Variants in NLGN1 observed in about 807,000 individuals in gnomAD.
NLGN1 encodes the protein neuroligin 1, also known as neuroligin-1.
In NLGN1, 12 loss-of-function variants were observed where a neutral mutation model predicts 65.5. The observed-to-expected ratio is 0.18, with a 90% CI of 0.12 to 0.30. The LOEUF (loss-of-function observed/expected upper bound fraction) is 0.30. Among genes scored for constraint, NLGN1 ranks in the 10% least tolerant of loss-of-function variants. NLGN1 has a pLI of 1.00. For synonymous variants in NLGN1, 350 were observed against 359.5 expected, an observed-to-expected ratio of 0.97 and a Z score of 0.30; for missense variants, 750 against 1,007.1, an observed-to-expected ratio of 0.74 and a Z score of 3.46.
chr3:173,827,298 G>C (rs1215045491), intron 4 of NLGN1, among the ~76,000 whole-genome samples: 1 of 152,072 alleles, frequency 6.6e-6, no homozygotes, highest in Non-Finnish European at 1.5e-5. Context: ...TTGAGGTAAA[G>C]ATTCTAGTGA....
intron 2 of NLGN1, among the ~76,000 whole-genome samples, chr3:173,597,014 A>G (rs1749593894): frequency 6.6e-6 from 1 of 152,154 alleles, no homozygotes; most frequent in South Asian, 2.1e-4. Flanking sequence ...AAAAGTTTCA[A>G]TACCACACTC....
intron 4 of NLGN1, among the ~76,000 whole-genome samples, chr3:174,198,014 G>A (rs1366947285): frequency 6.6e-6 from 1 of 151,734 alleles, no homozygotes; most frequent in Non-Finnish European, 1.5e-5. Context: ...AATTTGAGAT[G>A]GTTCCTGTAC....
chr3:174,184,889 C>G (rs1731109942), intron 4 of NLGN1, among the ~76,000 whole-genome samples: 1 of 152,076 alleles, frequency 6.6e-6, no homozygotes, highest in Admixed American at 6.6e-5. Context: ...TCCAAAGTAG[C>G]AGGCATGGAG....
At chr3:174,216,738 GGT>G (rs1412356029) in intron 4 of NLGN1, among the ~76,000 whole-genome samples, 1 of 152,036 alleles carries the variant, frequency 6.6e-6, no homozygotes, top group African/African-American at 2.4e-5. Flanking sequence ...TGTAATGCTA[GGT>G]CAGCTCAGAA....
At chr3:174,032,446 A>G (rs1349093557) in intron 4 of NLGN1, among the ~76,000 whole-genome samples, 1 of 152,188 alleles carries the variant, frequency 6.6e-6, no homozygotes, top group Non-Finnish European at 1.5e-5. Flanking sequence ...CCATTGGTGT[A>G]CAAGCTTGTT....
At chr3:173,553,848 C>T (rs1160736901) in intron 2 of NLGN1, among the ~76,000 whole-genome samples, 1 of 152,156 alleles carries the variant, frequency 6.6e-6, no homozygotes, top group Non-Finnish European at 1.5e-5. Context: ...GAAAGTTACT[C>T]ATTGAGCCCT....
intron 1 of NLGN1, among the ~76,000 whole-genome samples, chr3:173,406,495 CAAAT>C (rs937531392): frequency 3.9e-4 from 57 of 146,690 alleles, no homozygotes; most frequent in Middle Eastern, 3.6e-3. Flanking sequence ...ATCTATGAAT[CAAAT>C]ATATATATGA....
intron 4 of NLGN1, among the ~76,000 whole-genome samples, chr3:174,123,997 T>TAGGAG (rs1379396507): frequency 6.6e-6 from 1 of 152,086 alleles, no homozygotes. Flanking sequence ...GTAGGGTCTT[T>TAGGAG]AGGAGATAAT....
intron 4 of NLGN1, among the ~76,000 whole-genome samples, chr3:174,261,049 T>G (rs1028242311): frequency 2.6e-5 from 4 of 152,202 alleles, no homozygotes; most frequent in African/African-American, 7.2e-5. Context: ...TCTATATCTC[T>G]GTTTTGGTAC....
intron 4 of NLGN1, among the ~76,000 whole-genome samples, chr3:174,224,679 A>G (rs987117728): frequency 6.6e-6 from 1 of 152,134 alleles, no homozygotes; most frequent in African/African-American, 2.4e-5. Context: ...AGCCTGGGTG[A>G]CAGAGTGAGA....
chr3:174,230,014 T>TC (rs1740403666), intron 4 of NLGN1, among the ~76,000 whole-genome samples: 2 of 152,178 alleles, frequency 1.3e-5, no homozygotes, highest in African/African-American at 4.8e-5. Flanking sequence ...ACTATGCTTT[T>TC]CCCCATTTCA....
chr3:173,900,379 C>T (rs1262972747), intron 4 of NLGN1, among the ~76,000 whole-genome samples: 4 of 152,062 alleles, frequency 2.6e-5, no homozygotes, highest in African/African-American at 4.8e-5. Flanking sequence ...AATATCATTG[C>T]CCTGCTGATA....
intron 4 of NLGN1, among the ~76,000 whole-genome samples, chr3:174,205,896 T>C (rs1735311818): frequency 6.6e-6 from 1 of 152,174 alleles, no homozygotes; most frequent in Admixed American, 6.5e-5. Flanking sequence ...ATCACTGAAA[T>C]AACTACATGT....
At chr3:173,979,016 A>AG (rs1718179772) in intron 4 of NLGN1, among the ~76,000 whole-genome samples, 1 of 151,788 alleles carries the variant, frequency 6.6e-6, no homozygotes, top group Non-Finnish European at 1.5e-5. Context: ...AAAAAAAAAA[A>AG]TTGAATCAAG....
chr3:173,843,958 A>G (rs1725281692), intron 4 of NLGN1, among the ~76,000 whole-genome samples: 1 of 152,228 alleles, frequency 6.6e-6, no homozygotes. Context: ...TTACAAAAGA[A>G]AAAGGTTTAA....
chr3:173,702,071 C>T (rs1003994647), intron 3 of NLGN1, among the ~76,000 whole-genome samples: 43 of 151,616 alleles, frequency 2.8e-4, no homozygotes, highest in African/African-American at 1.0e-3. Context: ...AACCCCGTCT[C>T]TACTAAAAAT....
chr3:173,446,825 C>A (rs1199589365), intron 2 of NLGN1, among the ~76,000 whole-genome samples: 1 of 152,188 alleles, frequency 6.6e-6, no homozygotes, highest in Non-Finnish European at 1.5e-5. Flanking sequence ...CGAGGATGAA[C>A]ATTTTTTCAT....
chr3:173,435,488 C>T (rs1717948696), intron 2 of NLGN1, among the ~76,000 whole-genome samples: 1 of 151,934 alleles, frequency 6.6e-6, no homozygotes, highest in Non-Finnish European at 1.5e-5. Context: ...CTTATGTTCA[C>T]GGAAGCGTTA....
chr3:174,137,763 G>A (rs1197849034), intron 4 of NLGN1, among the ~76,000 whole-genome samples: 3 of 152,084 alleles, frequency 2.0e-5, no homozygotes, highest in Non-Finnish European at 4.4e-5. Flanking sequence ...TGTTTTACAT[G>A]TGGGAAAACA....
Sources: gnomAD v4.1 joint callset for allele counts (sites outside exome capture counted in the v4.1 genomes callset) on GRCh38, gnomAD v4.1.1 for gene constraint, MANE v1.5 for transcripts, NCBI Gene and HGNC (gene_info 2026-07-23, HGNC 2026-07-21) for gene names.